RC3H2: variants seen among roughly 807,000 people sequenced by gnomAD.
RC3H2 encodes ring finger and CCCH-type domains 2.
A neutral mutation model predicts 133.3 loss-of-function variants in RC3H2; 31 were observed. That is an observed-to-expected ratio of 0.23 (90% CI 0.17 to 0.31). The LOEUF (loss-of-function observed/expected upper bound fraction) is 0.31. Among genes scored for constraint, RC3H2 ranks in the 10% least tolerant of loss-of-function variants. RC3H2 has a pLI of 1.00. For missense variants in RC3H2, 1,175 were observed against 1,437.2 expected (o/e 0.82, Z 2.95); for synonymous variants, 517 against 502.2 (o/e 1.03, Z -0.40).
rs1382365185 is a variant in RC3H2 at position 122,855,866 on chromosome 9, C to T, written c.2467G>A (p.Val823Met). The T allele has an allele frequency of 6.8e-6, 11 of 1,612,442 alleles. No homozygotes were observed. Among genetic ancestry groups the T allele is most frequent in the Non-Finnish European group, 9.3e-6 (11 of 1,179,304 alleles). ...TCTTCTTCAAATTTTGTACCACTCA[C>T]ACTCTCTGAGAACTGGTTAAAAAAA... is the stretch of plus-strand genomic sequence containing the variant. Reference protein sequence around the residue: ...VDFRADFSESVSGTKFEEDHL... With the variant: ...VDFRADFSESMSGTKFEEDHL... Residue 823 changes from valine to methionine, a missense_variant, in exon 14 of 21, where the codon GTG becomes ATG. This residue lies in a region of RC3H2 where 490 missense variants were observed against 492.8 expected (regional missense o/e 0.99). Transcript: ENST00000357244.
chr9:122,870,104 G>A (rs1047525188), intron 9 of RC3H2, among the ~76,000 whole-genome samples: 13 of 152,046 alleles, frequency 8.6e-5, no homozygotes, highest in Non-Finnish European at 1.8e-4. Context: ...GCCGGGCATG[G>A]TGGCTCACAC....
chr9:122,896,440 T>C (rs904018940), intron 2 of RC3H2, among the ~76,000 whole-genome samples: 6 of 152,236 alleles, frequency 3.9e-5, no homozygotes, highest in African/African-American at 1.4e-4. Context: ...TATATGCTTA[T>C]ATAAAAATAT....
chr9:122,887,284 T>C (rs941151609), intron 4 of RC3H2, among the ~76,000 whole-genome samples: 12 of 152,308 alleles, frequency 7.9e-5, no homozygotes, highest in Admixed American at 2.0e-4. Flanking sequence ...TTTGTACATA[T>C]TGTGTTTCAA....
intron 18 of RC3H2, among the ~76,000 whole-genome samples, chr9:122,853,332 G>A (rs1165331295): frequency 1.4e-4 from 20 of 139,928 alleles, no homozygotes; most frequent in African/African-American, 4.9e-4. Context: ...ATTGTCCTAT[G>A]ACCCTGCCAA....
chr9:122,881,969 A>T (rs1204568412), intron 5 of RC3H2, among the ~76,000 whole-genome samples: 1 of 152,160 alleles, frequency 6.6e-6, no homozygotes, highest in Non-Finnish European at 1.5e-5. Flanking sequence ...CATGATAATT[A>T]AGAAATTTTC....
intron 4 of RC3H2, among the ~76,000 whole-genome samples, chr9:122,886,191 A>G (rs1288017739): frequency 6.6e-6 from 1 of 152,030 alleles, no homozygotes; most frequent in Non-Finnish European, 1.5e-5. Flanking sequence ...TGCCCAACCT[A>G]ACGTAGTTTT....
intron 12 of RC3H2, among the ~76,000 whole-genome samples, chr9:122,858,457 T>C (rs1204191948): frequency 6.6e-6 from 1 of 152,228 alleles, no homozygotes; most frequent in Admixed American, 6.5e-5. Context: ...TCTAAGAGGT[T>C]TGATTTTCTG....
chr9:122,851,843 G>C (rs1385302340), intron 18 of RC3H2, among the ~76,000 whole-genome samples: 1 of 152,014 alleles, frequency 6.6e-6, no homozygotes, highest in South Asian at 2.1e-4. Context: ...ATCTCGGCTC[G>C]CTACAACCTC....
chr9:122,901,983 G>A (rs796370157), intron 1 of RC3H2, among the ~76,000 whole-genome samples: 1 of 142,094 alleles, frequency 7.0e-6, no homozygotes, highest in South Asian at 2.2e-4. Flanking sequence ...AGGCTGTAGT[G>A]CAATGGCGCG....
intron 9 of RC3H2, among the ~76,000 whole-genome samples, chr9:122,866,740 G>C (rs931681026): frequency 5.9e-5 from 9 of 152,184 alleles, no homozygotes; most frequent in African/African-American, 1.2e-4. Context: ...GCAGTGGTGT[G>C]ATCTCAGCTC....
intron 5 of RC3H2, among the ~76,000 whole-genome samples, chr9:122,882,834 T>C (rs1303984619): frequency 6.6e-6 from 1 of 152,208 alleles, no homozygotes; most frequent in Non-Finnish European, 1.5e-5. Context: ...ATAACAAACA[T>C]AATAATGGGT....
chr9:122,873,521 C>T (rs925791835), intron 9 of RC3H2, among the ~76,000 whole-genome samples: 1 of 151,872 alleles, frequency 6.6e-6, no homozygotes, highest in Non-Finnish European at 1.5e-5. Flanking sequence ...CCAGCCTGGG[C>T]AACATGGTGA....
rs1267878527 is a variant in RC3H2, at chr9:122,858,023, T to C, written c.2354A>G (p.Tyr785Cys). Residue 785 changes from tyrosine (Y) to cysteine (C), a missense_variant, in exon 13 of 21, where the codon TAC becomes TGC. Coordinates refer to ENST00000357244, the MANE Select transcript of RC3H2 (RefSeq NM_001100588.3). ...GACAAGAGGTGCTTTCTGAGTGTGG[T>C]ACTGTGCCCACTGATCTGGCTTTCT... ...IRRKPDQWAQ[Y>C]HTQKAPLVSS... The C allele has an allele frequency of 1.9e-6, 3 of 1,614,178 alleles. No individual in the cohort carries two copies. The highest frequency in any genetic ancestry group is 1.7e-5 in the Admixed American group (1 of 60,022).
chr9:122,903,827 G>A (rs1222200025), intron 1 of RC3H2, among the ~76,000 whole-genome samples: 2 of 152,208 alleles, frequency 1.3e-5, no homozygotes, highest in Non-Finnish European at 2.9e-5. Flanking sequence ...AAAATTGAAC[G>A]TGGAAGTAAA....
chr9:122,890,721 G>A (rs546461391), intron 3 of RC3H2, among the ~76,000 whole-genome samples, 176 bp from the exon 4 acceptor site: 1 of 140,962 alleles, frequency 7.1e-6, no homozygotes, highest in African/African-American at 2.8e-5. Context: ...GTAATAAGAA[G>A]CCTAATTTTT....
chr9:122,901,059 T>G (rs906109763), intron 1 of RC3H2, among the ~76,000 whole-genome samples: 1 of 152,248 alleles, frequency 6.6e-6, no homozygotes, highest in Non-Finnish European at 1.5e-5. Context: ...TTTTCTCTTA[T>G]TAGTCCACCA....
At position 122,897,518 on chromosome 9, in the gene RC3H2, C is replaced by T; in HGVS notation, c.-9G>A. ...GCTGCCTGCACAGGCATTGTGGAAG[C>T]TGGATGCTCGGGTTAGCAGTCTAGC... On this transcript the variant is annotated 5_prime_UTR_variant, in exon 2 of 21. Transcript: ENST00000357244. 1 of 1,610,568 alleles carries T rather than the reference C, an allele frequency of 6.2e-7. No individual in the cohort carries two copies. Among genetic ancestry groups the T allele is most frequent in the Non-Finnish European group, 8.5e-7 (1 of 1,177,868 alleles).
intron 10 of RC3H2, among the ~76,000 whole-genome samples, chr9:122,863,864 G>A (rs1298516430): frequency 6.6e-6 from 1 of 152,060 alleles, no homozygotes; most frequent in Non-Finnish European, 1.5e-5. Context: ...AGCCTTCCCA[G>A]GTAGCTGGGA....
At chr9:122,851,003 C>T (rs1829998814) in intron 20 of RC3H2, 78 bp downstream of exon 20, 1 of 1,521,854 alleles carries the variant, frequency 6.6e-7, no homozygotes, top group Non-Finnish European at 9.0e-7. Context: ...CAGCATAAAG[C>T]CAAAAATTAA....
Sources: allele counts gnomAD v4.1 joint callset (sites outside exome capture counted in the v4.1 genomes callset), GRCh38; gene constraint gnomAD v4.1.1; regional missense constraint gnomAD v4.1.1; transcripts MANE v1.5; gene names NCBI Gene and HGNC (gene_info 2026-07-23, HGNC 2026-07-21).